The following SBF1 variants were observed in gnomAD, a reference collection of about 807,000 sequenced individuals.
The protein encoded by SBF1 is SET binding factor 1, also known as myotubularin-related protein 5.
Under a neutral mutation model 215.8 loss-of-function variants are expected in SBF1, and 65 were observed. The observed-to-expected ratio is 0.30, with a 90% CI of 0.25 to 0.37. The LOEUF is 0.37. Ranked by LOEUF, SBF1 falls within the 10% of genes least tolerant of loss-of-function variation. SBF1 has a pLI of 1.00. For missense variants in SBF1, 2,634 were observed against 2,667.8 expected (o/e 0.99, Z 0.28); for synonymous variants, 1,410 against 1,122.8 (o/e 1.26, Z -5.11).
chr22:50,447,685 C>G (rs532791255), intron 38 of SBF1, 76 bp from the exon 39 acceptor site: 131 of 1,075,428 alleles, frequency 1.2e-4, no homozygotes, highest in African/African-American at 2.6e-4. Flanking sequence ...GTCGTCCCCC[C>G]CTTGCTGTCC....
Position 50,464,430 on chromosome 22 carries a change from C to T in SBF1, c.1648G>A (p.Glu550Lys), listed in dbSNP as rs755051942. Residue 550 changes from glutamate (E) to lysine (K), a missense_variant, in exon 15 of 41, where the codon GAG becomes AAG. Transcript: ENST00000380817. ...TTGACATGCAGCCCACTGCACCGCTCCAGTATGGCAGCTGCGGGGACAGAA... is the reference window on the plus strand; with the variant it reads ...TTGACATGCAGCCCACTGCACCGCTTCAGTATGGCAGCTGCGGGGACAGAA... ...PSGPPMTAIL[E>K]RCSGLHVNSA... 6.2e-7 allele frequency: 1 copy of T among 1,613,560 alleles called. No homozygotes were observed. Among genetic ancestry groups the T allele is most frequent in the Non-Finnish European group, 8.5e-7 (1 of 1,179,652 alleles).
At chr22:50,468,237 G>C (rs538825685) in intron 2 of SBF1, 139 bp downstream of exon 2, 1 of 807,724 alleles carries the variant, frequency 1.2e-6, no homozygotes, top group Non-Finnish European at 1.9e-6. Context: ...CAAACCCCCC[G>C]ACAGAGGCTC....
chr22:50,454,935 T>TA lies in SBF1; in HGVS notation c.4690dup (p.Tyr1564LeufsTer2). 2 of 1,613,934 alleles carry TA rather than the reference T, an allele frequency of 1.2e-6. No homozygotes were observed. Among genetic ancestry groups the TA allele is most frequent in the Non-Finnish European group, 1.7e-6 (2 of 1,179,996 alleles). ...GCCCCTGCGTTCCCCCTTCTCCTCA[T>TA]ACAGCAGCCCTGCACAGAAGCAGCA... On this transcript the variant is annotated frameshift_variant, in exon 35 of 41. Transcript: ENST00000380817. LOFTEE classifies it high-confidence loss of function.
At chr22:50,472,413 G>A (rs1030574187) in intron 1 of SBF1, among the ~76,000 whole-genome samples, 6 of 152,138 alleles carry the variant, frequency 3.9e-5, no homozygotes, top group African/African-American at 7.2e-5. Context: ...CCTGCATCCC[G>A]CCCTGAAGTC....
At chr22:50,456,131 A>T in intron 31 of SBF1, 85 bp downstream of exon 31, 1 of 1,412,616 alleles carries the variant, frequency 7.1e-7, no homozygotes, top group Non-Finnish European at 9.6e-7. Context: ...CTGTCAGACA[A>T]GCAAACCTAG....
chr22:50,474,641 G>C, intron 1 of SBF1, 145 bp downstream of exon 1: 1 of 370,692 alleles, frequency 2.7e-6, no homozygotes, highest in East Asian at 8.2e-5. Flanking sequence ...TCGGCCCTCA[G>C]CGCCCGGCCC....
chr22:50,449,386 G>A (rs1393707646), intron 36 of SBF1, among the ~76,000 whole-genome samples: 1 of 152,120 alleles, frequency 6.6e-6, no homozygotes, highest in Non-Finnish European at 1.5e-5. Flanking sequence ...GGTGGCCGAG[G>A]CGGGTGGATC....
intron 1 of SBF1, among the ~76,000 whole-genome samples, chr22:50,473,324 G>A (rs942458248): frequency 5.3e-5 from 8 of 152,130 alleles, no homozygotes; most frequent in Non-Finnish European, 1.0e-4. Flanking sequence ...TGGATCCTCA[G>A]GCACCCTCTG....
intron 28 of SBF1, among the ~76,000 whole-genome samples, chr22:50,458,025 C>A (rs1488379829): frequency 2.0e-5 from 3 of 152,168 alleles, no homozygotes; most frequent in African/African-American, 7.2e-5. Flanking sequence ...GCTGGCCAGG[C>A]GCAGTGGCTC....
At chr22:50,474,202 C>T (rs2068091757) in intron 1 of SBF1, among the ~76,000 whole-genome samples, 1 of 152,230 alleles carries the variant, frequency 6.6e-6, no homozygotes, top group Non-Finnish European at 1.5e-5. Context: ...ATGCTCTTCT[C>T]TCTACTCTCG....
chr22:50,459,838 G>A (rs527671986), intron 26 of SBF1, 114 bp downstream of exon 26: 74 of 1,408,922 alleles, frequency 5.3e-5, no homozygotes, highest in Admixed American at 1.4e-4. Context: ...TCTGCCCGGA[G>A]TCTCCCCCTC....
In SBF1 at chr22:50,464,921, G is replaced by C; in HGVS notation, c.1333-4C>G. 1.2e-6 allele frequency: 2 copies of C among 1,613,328 alleles called. No individual in the cohort carries two copies. Among genetic ancestry groups the C allele is most frequent in the South Asian group, 2.2e-5 (2 of 91,084 alleles). ...TTGCCACCTCGTGGGCCACCAGCTA[G>C]CGGGGTAAGCAGGAGGTTAGGTAAG... On this transcript the variant is annotated splice_region_variant and splice_polypyrimidine_tract_variant and intron_variant, in intron 12 of 40. Coordinates refer to ENST00000380817, the MANE Select transcript of SBF1 (RefSeq NM_002972.4).
intron 28 of SBF1, among the ~76,000 whole-genome samples, chr22:50,458,191 G>C (rs2067335229): frequency 6.6e-6 from 1 of 151,926 alleles, no homozygotes; most frequent in Admixed American, 6.6e-5. Flanking sequence ...TGTAGTCCCA[G>C]CTACTCGGGA....
intron 2 of SBF1, among the ~76,000 whole-genome samples, chr22:50,468,141 G>A (rs1404782430): frequency 2.0e-5 from 3 of 152,182 alleles, no homozygotes; most frequent in African/African-American, 7.2e-5. Flanking sequence ...AGGACCAGGA[G>A]ATGGGAGAAC....
intron 15 of SBF1, 51 bp downstream of exon 15, chr22:50,464,278 C>T (rs1462100604): frequency 5.5e-6 from 8 of 1,450,874 alleles, no homozygotes; most frequent in Admixed American, 5.2e-5. Context: ...CAGCCTGGGT[C>T]TCCTCTGAAA....
At position 50,448,612 on chromosome 22, in the gene SBF1, A is replaced by G. The variant is rs773451056; in HGVS notation, c.5082T>C (p.Ala1694=). The G allele has an allele frequency of 4.3e-6, 7 of 1,611,774 alleles. No homozygotes were observed. In the South Asian group the frequency reaches 7.7e-5, roughly 18 times the overall value. The change falls in exon 37 of 41, where the codon GCT becomes GCC. Residue 1694 remains alanine (A), a synonymous_variant. Transcript: ENST00000380817. ...GGTCCCAGGTGTCCTTCCAGCGCTC[A>G]GCGGGTTGGCCCAACTCTGTCTCCA... is the stretch of plus-strand genomic sequence containing the variant. ...QRLETELGQP[A]ERWKDTWDRV...
At chr22:50,474,617 CCAGCCCCCGGTCCTCGGCCCT>C (rs1433747792) in intron 1 of SBF1, among the ~76,000 whole-genome samples, 148 bp downstream of exon 1, 1 of 149,028 alleles carries the variant, frequency 6.7e-6, no homozygotes, top group Non-Finnish European at 1.5e-5. Flanking sequence ...CCCTCAGCGC[CCAGCCCCCGGTCCTCGGCCCT>C]CAGCGCCCGG....
At chr22:50,456,453 G>GGCCCCCCCCCCCCCCCCCCC in intron 30 of SBF1, 39 bp downstream of exon 30, 1 of 1,520,034 alleles carries the variant, frequency 6.6e-7, no homozygotes, top group East Asian at 2.4e-5. Flanking sequence ...CCCCTGCCGA[G>GGCCCCCCCCCCCCCCCCCCC]CCCCCACCCT....
Position 50,465,966 on chromosome 22 carries a change from T to TCAG in SBF1, c.1003_1005dup (p.Leu335dup). The TCAG allele has an allele frequency of 6.2e-7, 1 of 1,613,784 alleles. No individual in the cohort carries two copies. The highest frequency in any genetic ancestry group is 8.5e-7 in the Non-Finnish European group (1 of 1,179,880). On this transcript the variant is annotated inframe_insertion, in exon 9 of 41. Coordinates refer to ENST00000380817, the MANE Select transcript of SBF1 (RefSeq NM_002972.4). ...TTGCCCATGGTGCCCCTCACCATGC[T>TCAG]CAGCACACTGTGCGTCTGACTCTGC...
Sources: allele counts gnomAD v4.1 joint callset (sites outside exome capture counted in the v4.1 genomes callset), GRCh38; gene constraint gnomAD v4.1.1; transcripts MANE v1.5; gene names NCBI Gene and HGNC (gene_info 2026-07-23, HGNC 2026-07-21).